The following BBS4 variants were observed in gnomAD, a reference collection of about 807,000 sequenced individuals.
The protein encoded by BBS4 is Bardet-Biedl syndrome 4.
A neutral mutation model predicts 71.4 loss-of-function variants in BBS4; 58 were observed. The observed-to-expected ratio is 0.81, with a 90% CI of 0.66 to 1.01. The LOEUF is 1.01. Ranked by LOEUF, BBS4 falls within the 50% of genes least tolerant of loss-of-function variation. The pLI is 0.00. For synonymous variants in BBS4, 228 were observed against 216.8 expected, an observed-to-expected ratio of 1.05 and a Z score of -0.46; for missense variants, 660 against 607.9, an observed-to-expected ratio of 1.09 and a Z score of -0.90.
chr15:72,725,585 C>T (rs1027602881), intron 8 of BBS4, among the ~76,000 whole-genome samples: 4 of 152,112 alleles, frequency 2.6e-5, no homozygotes, highest in South Asian at 4.1e-4. Context: ...GGACAGAAAT[C>T]TCCTGATTCA....
chr15:72,702,369 T>C (rs530016233), intron 2 of BBS4, among the ~76,000 whole-genome samples: 1 of 152,284 alleles, frequency 6.6e-6, no homozygotes, highest in South Asian at 2.1e-4. Context: ...AATGTGAGAA[T>C]GTTCTCTGAA....
At chr15:72,723,877 T>A (rs2065619843) in intron 7 of BBS4, among the ~76,000 whole-genome samples, 2 of 152,232 alleles carry the variant, frequency 1.3e-5, no homozygotes, top group Non-Finnish European at 2.9e-5. Flanking sequence ...TGGTTGGATC[T>A]GTGCTGAGAA....
chr15:72,696,873 G>T (rs1223427912), intron 2 of BBS4, among the ~76,000 whole-genome samples: 2 of 152,202 alleles, frequency 1.3e-5, no homozygotes, highest in East Asian at 3.9e-4. Context: ...TTACAGGCAT[G>T]AGCTATTGCA....
intron 10 of BBS4, 38 bp from the exon 11 acceptor site, chr15:72,731,267 G>A (rs1555501612): frequency 1.2e-6 from 2 of 1,613,154 alleles, no homozygotes; most frequent in Admixed American, 1.7e-5. Context: ...CAGCCTTTTG[G>A]GAATGACTGA....
At chr15:72,694,525 G>A (rs577122484) in intron 1 of BBS4, among the ~76,000 whole-genome samples, 1 of 152,254 alleles carries the variant, frequency 6.6e-6, no homozygotes, top group South Asian at 2.1e-4. Context: ...GCTGCTTCTT[G>A]TCTCTGGTGC....
chr15:72,695,227 A>G lies in BBS4; in HGVS notation c.75A>G (p.Lys25=), dbSNP rs761050940. ...AGTCTCAAAAACCCCGGCAGAAAAA[A>G]GGTCTGTATGCAGTTTCATGGTATG... ...STESQKPRQK[K]APEFPILEKQ... Residue 25 remains lysine (K), a splice_region_variant and synonymous_variant, in exon 2 of 16, where the codon AAA becomes AAG. Coordinates refer to ENST00000268057, the MANE Select transcript of BBS4 (RefSeq NM_033028.5). The G allele has an allele frequency of 1.9e-6, 3 of 1,590,564 alleles. No individual in the cohort carries two copies. Among genetic ancestry groups the G allele is most frequent in the South Asian group, 2.2e-5 (2 of 90,502 alleles).
chr15:72,729,504 C>A, intron 9 of BBS4, 112 bp from the exon 10 acceptor site: 1 of 953,748 alleles, frequency 1.0e-6, no homozygotes, highest in Non-Finnish European at 1.7e-6. Context: ...CCCACCTTAG[C>A]CTCCCAAAGT....
At position 72,694,970 on chromosome 15, in the gene BBS4, T is replaced by C. The variant is rs113692746; in HGVS notation, c.25-207T>C. Among the ~76,000 whole-genome samples the C allele has an allele frequency of 1.2e-3, 182 of 152,348 alleles. 1 individual carries two copies. Among genetic ancestry groups the C allele is most frequent in the African/African-American group, 4.1e-3 (172 of 41,592 alleles). On this transcript the variant is annotated intron_variant, in intron 1 of 15. Transcript: ENST00000268057. ...ACATTGTAAATATTATAAATATGTG[T>C]TATACATTGTTAATAGTTTGGATAG...
chr15:72,725,833 CCCCCT>C (rs2065673898), intron 8 of BBS4, among the ~76,000 whole-genome samples: 1 of 7,374 alleles, frequency 1.4e-4, no homozygotes, highest in Non-Finnish European at 3.3e-4. Context: ...CTTTCCCCAT[CCCCCT>C]TTCCCCATCC....
intron 2 of BBS4, among the ~76,000 whole-genome samples, chr15:72,709,418 G>A (rs2065325355): frequency 6.6e-6 from 1 of 152,162 alleles, no homozygotes; most frequent in Non-Finnish European, 1.5e-5. Context: ...AAGAGACGAA[G>A]GATGATTTTA....
chr15:72,687,650 A>G (rs1009630128), intron 1 of BBS4, among the ~76,000 whole-genome samples: 4 of 150,182 alleles, frequency 2.7e-5, no homozygotes, highest in African/African-American at 9.8e-5. Flanking sequence ...TAAATAGGCC[A>G]GGCTCAGTGG....
At chr15:72,707,487 A>G (rs887837825) in intron 2 of BBS4, among the ~76,000 whole-genome samples, 2 of 152,024 alleles carry the variant, frequency 1.3e-5, no homozygotes, top group Admixed American at 6.6e-5. Flanking sequence ...CCTCTTTTCC[A>G]TTTTTAAAAA....
At position 72,738,441 on chromosome 15, in the gene BBS4, C is replaced by CAAGAGATCATAATAA; in HGVS notation, c.*857_*871dup. 1 of 374,138 alleles carries CAAGAGATCATAATAA rather than the reference C, an allele frequency of 2.7e-6. No homozygotes were observed. The highest frequency in any genetic ancestry group is 5.2e-6 in the Non-Finnish European group (1 of 193,330). The allele number at this position is 374,138 out of a possible 1,614,324, so 23.2% of individuals were successfully genotyped here. A position where few individuals can be genotyped will look rare whatever the true frequency, so the allele number is the denominator to read the frequency against. The stretch of plus-strand genomic sequence containing the variant: ...GAAAATTGTTATTCAGGTATAAAAA[C>CAAGAGATCATAATAA]AAGAGATCATAATAAAAACCTAAAA... On this transcript the variant is annotated 3_prime_UTR_variant, in exon 16 of 16. Transcript: ENST00000268057.
At chr15:72,688,501 C>T (rs1200138127) in intron 1 of BBS4, among the ~76,000 whole-genome samples, 2 of 145,616 alleles carry the variant, frequency 1.4e-5, no homozygotes, top group Admixed American at 1.5e-4. Flanking sequence ...GGAACCTCTG[C>T]CTCCCGGGTT....
At chr15:72,726,829 A>G (rs1331696611) in intron 8 of BBS4, among the ~76,000 whole-genome samples, 1 of 152,232 alleles carries the variant, frequency 6.6e-6, no homozygotes, top group Non-Finnish European at 1.5e-5. Flanking sequence ...TGAGAATAGC[A>G]TACATAAATC....
In BBS4 at chr15:72,703,768, A is replaced by T. The variant is rs541683696; in HGVS notation, c.77-5932A>T. Among the ~76,000 whole-genome samples the T allele has an allele frequency of 2.6e-5, 4 of 152,290 alleles. No individual in the cohort carries two copies. In the South Asian group the frequency reaches 6.2e-4, roughly 24 times the overall value. On this transcript the variant is annotated intron_variant, in intron 2 of 15. Coordinates refer to ENST00000268057, the MANE Select transcript of BBS4 (RefSeq NM_033028.5). ...ATTTTTTTTAAAGGCTTTACTTGCA[A>T]TATATTTACAAAAGCCTTAGTTATT...
chr15:72,699,618 A>G (rs917697920), intron 2 of BBS4, among the ~76,000 whole-genome samples: 2 of 152,278 alleles, frequency 1.3e-5, no homozygotes, highest in Non-Finnish European at 2.9e-5. Context: ...GCCTTTTTCC[A>G]GTAAGTCTTC....
At chr15:72,710,501 T>A (rs1197786561) in intron 3 of BBS4, among the ~76,000 whole-genome samples, 1 of 151,150 alleles carries the variant, frequency 6.6e-6, no homozygotes, top group African/African-American at 2.4e-5. Flanking sequence ...TGCCCAGCCC[T>A]GAGTTTTATT....
chr15:72,692,441 G>A (rs376746374), intron 1 of BBS4, among the ~76,000 whole-genome samples: 3 of 148,248 alleles, frequency 2.0e-5, no homozygotes, highest in Non-Finnish European at 3.0e-5. Flanking sequence ...TCAGCCTCCC[G>A]AGTAGCTGAG....
Sources: allele counts gnomAD v4.1 joint callset (sites outside exome capture counted in the v4.1 genomes callset), GRCh38; gene constraint gnomAD v4.1.1; transcripts MANE v1.5; gene names NCBI Gene and HGNC (gene_info 2026-07-23, HGNC 2026-07-21).